The following TYW1B variants were observed in gnomAD, a reference collection of about 807,000 sequenced individuals.
The protein encoded by TYW1B is S-adenosyl-L-methionine-dependent tRNA 4-demethylwyosine synthase TYW1B.
TYW1B carries 73 observed loss-of-function variants against 86.9 expected under a neutral mutation model. That is an observed-to-expected ratio of 0.84 (90% CI 0.70 to 1.02). The LOEUF is 1.02. Among genes scored for constraint, TYW1B ranks in the 50% least tolerant of loss-of-function variants. The probability of loss-of-function intolerance (pLI) is 0.00; values close to 1 mark genes in which losing one functional copy is unlikely to be tolerated. For synonymous variants in TYW1B, 248 were observed against 292.8 expected, an observed-to-expected ratio of 0.85 and a Z score of 1.56; for missense variants, 637 against 827.4, an observed-to-expected ratio of 0.77 and a Z score of 2.82.
chr7:72,812,971 G>C (rs1220489086), intron 3 of TYW1B, among the ~76,000 whole-genome samples: 1 of 151,924 alleles, frequency 6.6e-6, no homozygotes, highest in African/African-American at 2.4e-5. Flanking sequence ...GGATTATATA[G>C]GCAAGAGCCA....
intron 11 of TYW1B, among the ~76,000 whole-genome samples, chr7:72,649,125 G>A (rs1217603190): frequency 3.9e-5 from 6 of 152,124 alleles, no homozygotes; most frequent in African/African-American, 7.2e-5. Flanking sequence ...GAAGCAGAAC[G>A]CAGAAATTTA....
intron 11 of TYW1B, among the ~76,000 whole-genome samples, chr7:72,652,912 C>A (rs1442397740): frequency 4.6e-5 from 7 of 151,920 alleles, no homozygotes; most frequent in South Asian, 4.2e-4. Flanking sequence ...GTAAATGATC[C>A]GAAATATGTG....
At chr7:72,656,102 C>T (rs1813196609) in intron 11 of TYW1B, among the ~76,000 whole-genome samples, 1 of 152,274 alleles carries the variant, frequency 6.6e-6, no homozygotes, top group South Asian at 2.1e-4. Context: ...CACTGACTGG[C>T]GCCTTACAAA....
rs572414659 is a variant in TYW1B at position 72,610,416 on chromosome 7, C to T, written c.1785+6256G>A. The stretch of plus-strand genomic sequence containing the variant: ...ATGCAAGTAACATCATCTCCATGGA[C>T]GACACCATCACAATCACTCATTTCC... On this transcript the variant is annotated intron_variant, in intron 13 of 13. Transcript: ENST00000620995. 3.9e-3 allele frequency among the ~76,000 whole-genome samples: 599 copies of T among 152,018 alleles called. 2 individuals carry two copies. Among genetic ancestry groups the T allele is most frequent in the African/African-American group, 0.014 (569 of 41,492 alleles).
chr7:72,668,981 AT>A (rs1813528532), intron 11 of TYW1B, among the ~76,000 whole-genome samples: 1 of 152,054 alleles, frequency 6.6e-6, no homozygotes, highest in Non-Finnish European at 1.5e-5. Flanking sequence ...TTGTAACTAT[AT>A]CCCCCTGCCT....
chr7:72,766,429 C>A (rs1326672044), intron 7 of TYW1B, among the ~76,000 whole-genome samples: 4 of 151,482 alleles, frequency 2.6e-5, no homozygotes, highest in Non-Finnish European at 5.9e-5. Context: ...GCCTGGCCAA[C>A]GTGGCAAAAC....
At chr7:72,700,278 G>A (rs1237384491) in intron 10 of TYW1B, among the ~76,000 whole-genome samples, 4 of 133,464 alleles carry the variant, frequency 3.0e-5, no homozygotes, top group South Asian at 5.0e-4. Context: ...AGGTTCAACC[G>A]ATTCTCCTGC....
At chr7:72,825,269 C>T (rs2867755) in intron 2 of TYW1B, among the ~76,000 whole-genome samples, 1 of 152,126 alleles carries the variant, frequency 6.6e-6, no homozygotes. Flanking sequence ...CTGTTCCCCC[C>T]CAAAAAAGAG....
At chr7:72,619,233 C>G (rs1225107650) in intron 12 of TYW1B, among the ~76,000 whole-genome samples, 1 of 152,168 alleles carries the variant, frequency 6.6e-6, no homozygotes, top group African/African-American at 2.4e-5. Flanking sequence ...TCTTTTCCCC[C>G]CTCAAAAACC....
chr7:72,667,048 A>AAAAAAAAAAAAAAAAAAAAAAAAAG (rs60588106), intron 11 of TYW1B, among the ~76,000 whole-genome samples: 5 of 131,436 alleles, frequency 3.8e-5, no homozygotes, highest in Non-Finnish European at 6.3e-5. Context: ...AAAAAAAAAA[A>AAAAAAAAAAAAAAAAAAAAAAAAAG]AAAGAAACTA....
chr7:72,783,610 A>G (rs1377459170), intron 6 of TYW1B, among the ~76,000 whole-genome samples: 2 of 152,172 alleles, frequency 1.3e-5, no homozygotes. Flanking sequence ...GTCACCGTTC[A>G]GTTTTAAAAT....
At chr7:72,600,935 C>T (rs1811650723) in intron 13 of TYW1B, among the ~76,000 whole-genome samples, 1 of 151,952 alleles carries the variant, frequency 6.6e-6, no homozygotes, top group Admixed American at 6.6e-5. Context: ...GAGGGCGAAT[C>T]ACCTGAGGTC....
chr7:72,596,179 C>CAAAAAAAAAAA (rs58325295), intron 13 of TYW1B, among the ~76,000 whole-genome samples: 3 of 56,412 alleles, frequency 5.3e-5, no homozygotes, highest in Non-Finnish European at 9.9e-5. Flanking sequence ...AACTCTGTCT[C>CAAAAAAAAAAA]AAAAAAAAAA....
chr7:72,748,226 G>A lies in TYW1B; in HGVS notation c.965-3625C>T, dbSNP rs188694753. Among the ~76,000 whole-genome samples, 24 of 152,096 alleles carry A rather than the reference G, an allele frequency of 1.6e-4. No individual in the cohort carries two copies. In the East Asian group the frequency reaches 3.9e-3, roughly 24 times the overall value. ...AGAGCTTGCAGTGAGCCGAGATGGC[G>A]CCACTGCACTCCAGCCTGGGTGACA... On this transcript the variant is annotated intron_variant, in intron 7 of 13. Coordinates refer to ENST00000620995, the MANE Select transcript of TYW1B (RefSeq NM_001145440.3).
At chr7:72,577,551 ACCT>A (rs1421064391) in intron 13 of TYW1B, among the ~76,000 whole-genome samples, 3 of 151,936 alleles carry the variant, frequency 2.0e-5, no homozygotes, top group Non-Finnish European at 4.4e-5. Flanking sequence ...GTCAAAGGTG[ACCT>A]CCTTTTCCCT....
At chr7:72,823,193 G>A (rs1554480844) in intron 2 of TYW1B, 3 of 151,756 alleles carry the variant, frequency 2.0e-5, no homozygotes, top group Non-Finnish European at 4.4e-5. Context: ...ATTTTTAGTA[G>A]AAATGGGGTT....
At chr7:72,695,760 T>G (rs1814301080) in intron 10 of TYW1B, among the ~76,000 whole-genome samples, 2 of 151,978 alleles carry the variant, frequency 1.3e-5, no homozygotes, top group African/African-American at 4.8e-5. Context: ...GCCCGGCTAA[T>G]TTTTAAAATT....
At chr7:72,585,190 A>G (rs7781040) in intron 13 of TYW1B, among the ~76,000 whole-genome samples, 68,783 of 152,034 alleles carry the variant, frequency 0.45, 17,579 homozygotes, top group African/African-American at 0.7. Flanking sequence ...TGTATCATTC[A>G]GCTGGCCCCC....
At chr7:72,757,282 C>T (rs921335156) in intron 7 of TYW1B, among the ~76,000 whole-genome samples, 1 of 150,932 alleles carries the variant, frequency 6.6e-6, no homozygotes, top group Non-Finnish European at 1.5e-5. Context: ...GCAGGAGAAT[C>T]GCTTGAACCT....
Sources: gnomAD v4.1 joint callset for allele counts (sites outside exome capture counted in the v4.1 genomes callset) on GRCh38, gnomAD v4.1.1 for gene constraint, MANE v1.5 for transcripts, NCBI Gene and HGNC (gene_info 2026-07-23, HGNC 2026-07-21) for gene names.